The following COLQ variants were observed in gnomAD, a reference collection of about 807,000 sequenced individuals.
COLQ encodes acetylcholinesterase collagenic tail peptide.
Under a neutral mutation model 69.0 loss-of-function variants are expected in COLQ, and 48 were observed. That is an observed-to-expected ratio of 0.70 (90% CI 0.55 to 0.88). The LOEUF is 0.88. COLQ is among the 40% of genes least tolerant of loss of function. The pLI is 0.00. For missense variants in COLQ, 618 were observed against 594.6 expected, an observed-to-expected ratio of 1.04 and a Z score of -0.41; for synonymous variants, 217 against 211.2, an observed-to-expected ratio of 1.03 and a Z score of -0.24.
intron 9 of COLQ, 77 bp from the exon 10 acceptor site, chr3:15,474,112 C>A: frequency 6.2e-7 from 1 of 1,606,972 alleles, no homozygotes; most frequent in South Asian, 1.1e-5. Context: ...CTTTGTTGGT[C>A]ATTTTCAAGA....
At chr3:15,469,974 G>A (rs1160158894) in intron 11 of COLQ, among the ~76,000 whole-genome samples, 1 of 152,188 alleles carries the variant, frequency 6.6e-6, no homozygotes, top group African/African-American at 2.4e-5. Context: ...CTCTAGAGCA[G>A]TCATGTCACA....
Position 15,453,913 on chromosome 3 carries a change from C to A in COLQ, c.1214G>T (p.Cys405Phe), listed in dbSNP as rs1336071409. The A allele has an allele frequency of 1.9e-6, 3 of 1,609,766 alleles. No homozygotes were observed. In the Admixed American group the frequency reaches 5.0e-5, roughly 27 times the overall value. ...DDCIRCHRAY[C>F]GDGHRHEGVE... is the part of the protein sequence containing the mutation. ...ACCCTCATGCCGGTGACCATCTCCA[C>A]AGTAGGCACGGTGACAGCCTGAGGG... is the stretch of plus-strand genomic sequence containing the variant. Residue 405 changes from cysteine (C) to phenylalanine (F), a missense_variant, in exon 16 of 17, where the codon TGT becomes TTT. By Grantham distance (205) the Cys-to-Phe change is radical. Transcript: ENST00000383788.
chr3:15,498,915 A>G, intron 1 of COLQ: 1 of 1,265,900 alleles, frequency 7.9e-7, no homozygotes, highest in Non-Finnish European at 1.0e-6. Context: ...GCAAGCCAAG[A>G]GGAAATTGAG....
chr3:15,498,189 G>A (rs1449969528), intron 1 of COLQ, among the ~76,000 whole-genome samples: 1 of 152,116 alleles, frequency 6.6e-6, no homozygotes, highest in African/African-American at 2.4e-5. Context: ...GGTACCAGCT[G>A]CCAGCACAAG....
intron 1 of COLQ, among the ~76,000 whole-genome samples, chr3:15,496,484 T>C (rs61558503): frequency 0.14 from 21,019 of 152,126 alleles, 1,948 homozygotes; most frequent in East Asian, 0.43. Context: ...GGACTGTCTC[T>C]ATAGAATTGT....
intron 1 of COLQ, chr3:15,506,590 T>A (rs377538519): frequency 1.3e-5 from 2 of 152,292 alleles, no homozygotes; most frequent in East Asian, 3.9e-4. Flanking sequence ...CATATGATAC[T>A]CCCTCTTGGT....
intron 10 of COLQ, among the ~76,000 whole-genome samples, chr3:15,472,693 C>T (rs1368578306): frequency 2.6e-5 from 4 of 152,092 alleles, no homozygotes; most frequent in East Asian, 1.9e-4. Flanking sequence ...CTCAACTACC[C>T]TTGTTCTTCT....
At chr3:15,475,277 C>A in intron 7 of COLQ, 148 bp downstream of exon 7, 3 of 819,418 alleles carry the variant, frequency 3.7e-6, no homozygotes, top group Middle Eastern at 3.5e-4. Context: ...ATGATGTTCT[C>A]CAAAGGGCTG....
intron 5 of COLQ, 72 bp downstream of exon 5, chr3:15,478,904 CT>C (rs1328389219): frequency 1.7e-5 from 27 of 1,581,028 alleles, no homozygotes; most frequent in Non-Finnish European, 2.3e-5. Context: ...CTGTTCCCCC[CT>C]CCCTAGGAGT....
intron 6 of COLQ, among the ~76,000 whole-genome samples, chr3:15,476,757 C>T (rs2062385648): frequency 6.6e-6 from 1 of 152,224 alleles, no homozygotes; most frequent in South Asian, 2.1e-4. Flanking sequence ...ACCTTCTCAA[C>T]TCTCCATTCC....
At chr3:15,500,282 G>A (rs2062813191) in intron 1 of COLQ, among the ~76,000 whole-genome samples, 1 of 152,182 alleles carries the variant, frequency 6.6e-6, no homozygotes, top group South Asian at 2.1e-4. Flanking sequence ...TAAGGCCAGG[G>A]AGTCCTCAGT....
rs577912545 is a variant in COLQ, at chr3:15,493,694, C to A, written c.107-4057G>T. Among the ~76,000 whole-genome samples, 82 of 152,336 alleles carry A rather than the reference C, an allele frequency of 5.4e-4. 1 individual carries two copies. The highest frequency in any genetic ancestry group is 1.8e-3 in the Admixed American group (27 of 15,300). ...AGCCTGCCCTGGACCAGACTCAGAC[C>A]CAGTCTTTAGCAGGATCTCAGGGTC... On this transcript the variant is annotated intron_variant, in intron 1 of 16. Transcript: ENST00000383788.
chr3:15,514,283 A>G (rs2063026563), intron 1 of COLQ, among the ~76,000 whole-genome samples: 2 of 152,182 alleles, frequency 1.3e-5, no homozygotes, highest in South Asian at 4.1e-4. Flanking sequence ...GTGAGCTAGA[A>G]CAGAGGCTCT....
chr3:15,474,800 TAGCTAGGG>T (rs2062350458), intron 8 of COLQ, 117 bp downstream of exon 8: 24 of 1,133,710 alleles, frequency 2.1e-5, no homozygotes, highest in Non-Finnish European at 3.1e-5. Flanking sequence ...GGGTGGGGAA[TAGCTAGGG>T]ATGGTGGCTT....
intron 3 of COLQ, among the ~76,000 whole-genome samples, chr3:15,484,559 G>A (rs2062544006): frequency 6.6e-6 from 1 of 152,174 alleles, no homozygotes; most frequent in South Asian, 2.1e-4. Context: ...ACACCAATCA[G>A]ACGTAGATTT....
chr3:15,484,774 T>C (rs529027128), intron 3 of COLQ, among the ~76,000 whole-genome samples: 17 of 152,330 alleles, frequency 1.1e-4, no homozygotes, highest in African/African-American at 3.8e-4. Context: ...CAACAGGTCA[T>C]TTAAGGTCTT....
intron 1 of COLQ, among the ~76,000 whole-genome samples, chr3:15,515,819 T>C (rs2063053763): frequency 6.6e-6 from 1 of 151,946 alleles, no homozygotes; most frequent in Non-Finnish European, 1.5e-5. Flanking sequence ...AAAATCAAAA[T>C]AAAAAATAAA....
chr3:15,493,319 C>T (rs972275077), intron 1 of COLQ, among the ~76,000 whole-genome samples: 2 of 152,236 alleles, frequency 1.3e-5, no homozygotes, highest in Non-Finnish European at 2.9e-5. Context: ...GCTTCACTCA[C>T]ATGGGCTCTG....
At chr3:15,470,515 G>A (rs748278242) in intron 11 of COLQ, 21 bp downstream of exon 11, 11 of 1,610,942 alleles carry the variant, frequency 6.8e-6, no homozygotes, top group South Asian at 6.6e-5. Context: ...TCAGGCGGGT[G>A]GTAAGCCCTG....
Sources: gnomAD v4.1 joint callset for allele counts (sites outside exome capture counted in the v4.1 genomes callset) on GRCh38, gnomAD v4.1.1 for gene constraint, MANE v1.5 for transcripts, NCBI Gene and HGNC (gene_info 2026-07-23, HGNC 2026-07-21) for gene names.